TANC2: variants seen among roughly 807,000 people sequenced by gnomAD.
TANC2 encodes the protein tetratricopeptide repeat, ankyrin repeat and coiled-coil containing 2.
Under a neutral mutation model 210.5 loss-of-function variants are expected in TANC2, and 26 were observed. The ratio of observed to expected loss-of-function variants is 0.12; its 90% CI spans 0.09 to 0.17. TANC2 has a LOEUF of 0.17. Ranked by LOEUF, TANC2 falls within the 10% of genes least tolerant of loss-of-function variation. The pLI is 1.00. For synonymous variants in TANC2, 931 were observed against 967.1 expected (o/e 0.96, Z 0.69); for missense variants, 2,129 against 2,608.9 (o/e 0.82, Z 4.01).
rs144192482 is a variant in TANC2 at position 63,319,418 on chromosome 17, C to T, written c.1575+328C>T. Among the ~76,000 whole-genome samples the T allele has an allele frequency of 1.3e-3, 205 of 152,280 alleles. 2 individuals carry two copies. The East Asian group carries it at 0.036, about 27-fold the overall frequency. On this transcript the variant is annotated intron_variant, in intron 11 of 27. Coordinates refer to ENST00000689528, the Ensembl canonical transcript of TANC2. ...AGAGTGCAGTGGTGCAATCTCAGCT[C>T]ACTGCAGCCTCCACTTCCCAGGTTC...
At chr17:63,173,331 C>T (rs2040473694) in intron 5 of TANC2, among the ~76,000 whole-genome samples, 3 of 152,194 alleles carry the variant, frequency 2.0e-5, no homozygotes, top group Non-Finnish European at 2.9e-5. Flanking sequence ...AACCAACCTG[C>T]TATCTACAAG....
intron 12 of TANC2, among the ~76,000 whole-genome samples, chr17:63,345,344 T>G (rs2046365135): frequency 6.6e-6 from 1 of 152,134 alleles, no homozygotes; most frequent in Non-Finnish European, 1.5e-5. Flanking sequence ...TCCTGGCTGG[T>G]TGCAGTGGCT....
chr17:63,316,646 A>T (rs940593285), intron 10 of TANC2, among the ~76,000 whole-genome samples: 1 of 152,206 alleles, frequency 6.6e-6, no homozygotes, highest in African/African-American at 2.4e-5. Flanking sequence ...ATTTGAAAGG[A>T]GTTAAGAGAG....
chr17:63,018,586 C>T (rs531888518), intron 2 of TANC2, among the ~76,000 whole-genome samples: 162 of 152,248 alleles, frequency 1.1e-3, no homozygotes, highest in Non-Finnish European at 1.7e-3. Flanking sequence ...GTGGTAATCT[C>T]TTACAAAACT....
At chr17:63,130,268 T>C (rs1464342899) in intron 4 of TANC2, among the ~76,000 whole-genome samples, 2 of 152,116 alleles carry the variant, frequency 1.3e-5, no homozygotes, top group African/African-American at 2.4e-5. Context: ...CAGCACCTTA[T>C]GAGGCCAAGC....
intron 19 of TANC2, among the ~76,000 whole-genome samples, chr17:63,399,784 A>C (rs1016374941): frequency 2.6e-5 from 4 of 152,252 alleles, no homozygotes; most frequent in Non-Finnish European, 5.9e-5. Flanking sequence ...GAACTCATTT[A>C]AAATTTATAA....
intron 9 of TANC2, among the ~76,000 whole-genome samples, chr17:63,304,022 G>A (rs2044813348): frequency 6.6e-6 from 1 of 151,868 alleles, no homozygotes; most frequent in South Asian, 2.1e-4. Flanking sequence ...TCTTTGCATT[G>A]GGTTAGAACA....
At chr17:62,997,897 T>C (rs2143670870) in intron 1 of TANC2, among the ~76,000 whole-genome samples, 1 of 152,118 alleles carries the variant, frequency 6.6e-6, no homozygotes, top group Admixed American at 6.5e-5. Flanking sequence ...GAAGTAGATA[T>C]AGAAAAAGAT....
exon 10 of TANC2, chr17:63,314,641 C>A: frequency 1.2e-6 from 2 of 1,613,910 alleles, no homozygotes; most frequent in Non-Finnish European, 1.7e-6. Context: ...GACAGATCGC[C>A]TCAGACAGCC....
chr17:63,234,396 TAAC>T (rs1385679733), intron 7 of TANC2, among the ~76,000 whole-genome samples: 1 of 152,226 alleles, frequency 6.6e-6, no homozygotes, highest in Non-Finnish European at 1.5e-5. Context: ...ATATCATTGG[TAAC>T]AATATTTTTA....
intron 1 of TANC2, among the ~76,000 whole-genome samples, chr17:62,996,436 C>G (rs2033109880): frequency 6.6e-6 from 1 of 152,176 alleles, no homozygotes; most frequent in Admixed American, 6.5e-5. Flanking sequence ...AACCTGTAAC[C>G]AGTGCAGCTG....
chr17:63,349,974 C>T (rs2046545882), intron 12 of TANC2, among the ~76,000 whole-genome samples: 1 of 152,022 alleles, frequency 6.6e-6, no homozygotes, highest in Non-Finnish European at 1.5e-5. Context: ...CATTTCACTC[C>T]CTAAAAACTT....
chr17:63,298,255 TACACAGC>T (rs1197434997), intron 9 of TANC2, among the ~76,000 whole-genome samples: 1 of 152,158 alleles, frequency 6.6e-6, no homozygotes, highest in East Asian at 1.9e-4. Flanking sequence ...CACACGAATA[TACACAGC>T]ACCACTATTT....
chr17:63,279,812 A>G (rs994697042), intron 9 of TANC2, among the ~76,000 whole-genome samples: 15 of 152,146 alleles, frequency 9.9e-5, no homozygotes, highest in Admixed American at 7.2e-4. Context: ...TTATTCCCCT[A>G]TGTCTTATGA....
chr17:63,203,292 C>G (rs528743898), intron 7 of TANC2, among the ~76,000 whole-genome samples: 12 of 152,258 alleles, frequency 7.9e-5, no homozygotes, highest in Admixed American at 2.0e-4. Flanking sequence ...GCTGTAAAAT[C>G]TTACCTGAGC....
chr17:63,034,187 C>CT (rs559598587), intron 2 of TANC2, among the ~76,000 whole-genome samples: 12 of 152,286 alleles, frequency 7.9e-5, no homozygotes, highest in South Asian at 2.1e-4. Context: ...GACAGGCTGA[C>CT]TCTCTTGTTA....
At chr17:63,086,824 A>G (rs143372428) in intron 3 of TANC2, among the ~76,000 whole-genome samples, 90 of 143,880 alleles carry the variant, frequency 6.3e-4, no homozygotes, top group African/African-American at 2.3e-3. Context: ...AGTGCTCTGT[A>G]AAAACACACC....
chr17:63,109,445 G>C (rs1015893921), intron 4 of TANC2, among the ~76,000 whole-genome samples: 3 of 151,504 alleles, frequency 2.0e-5, no homozygotes, highest in South Asian at 4.2e-4. Context: ...AAAAAACCTT[G>C]AATGAGATGG....
At chr17:63,321,214 A>G (rs1308327168) in intron 11 of TANC2, among the ~76,000 whole-genome samples, 5 of 151,930 alleles carry the variant, frequency 3.3e-5, no homozygotes, top group Non-Finnish European at 4.4e-5. Flanking sequence ...AAAAAAATTA[A>G]ATTTCCTATA....
Sources: gnomAD v4.1 joint callset for allele counts (sites outside exome capture counted in the v4.1 genomes callset) on GRCh38, gnomAD v4.1.1 for gene constraint, MANE v1.5 for transcripts, NCBI Gene and HGNC (gene_info 2026-07-23, HGNC 2026-07-21) for gene names.